The following PER1 variants were observed in gnomAD, a reference collection of about 807,000 sequenced individuals.
The protein encoded by PER1 is period circadian protein homolog 1.
A neutral mutation model predicts 125.9 loss-of-function variants in PER1; 87 were observed. The ratio of observed to expected loss-of-function variants is 0.69; its 90% CI spans 0.58 to 0.83. The LOEUF (loss-of-function observed/expected upper bound fraction) is 0.83. Among genes scored for constraint, PER1 ranks in the 40% least tolerant of loss-of-function variants. The pLI is 0.00. For synonymous variants in PER1, 801 were observed against 714.7 expected, an observed-to-expected ratio of 1.12 and a Z score of -1.93; for missense variants, 1,775 against 1,722.8, an observed-to-expected ratio of 1.03 and a Z score of -0.54.
At chr17:8,146,166 T>C (rs1446805080) in intron 16 of PER1, 29 bp from the exon 17 acceptor site, 1 of 1,563,824 alleles carries the variant, frequency 6.4e-7, no homozygotes, top group Non-Finnish European at 8.7e-7. Flanking sequence ...CCAGTTACCA[T>C]CCCCACCCCC....
rs529303485 is a variant in PER1, at chr17:8,142,382, C to G, written c.3336G>C (p.Arg1112=). The G allele has an allele frequency of 2.0e-5, 33 of 1,613,102 alleles. No individual in the cohort carries two copies. The highest frequency in any genetic ancestry group is 2.5e-5 in the Non-Finnish European group (30 of 1,179,740). The stretch of plus-strand genomic sequence containing the variant: ...CCTGGTCCCCAGGCTCAGCCCCGCC[C>G]CGAGCAGCCCCAGCCTCAGCCTCGG... ...DSSEAEAGAA[R]GGAEPGDQVI... The change falls in exon 21 of 23, where the codon CGG becomes CGC. Residue 1112 remains arginine, a synonymous_variant. Coordinates refer to ENST00000317276, the MANE Select transcript of PER1 (RefSeq NM_002616.3).
In PER1 at chr17:8,147,516, G is replaced by C. The variant is rs201809256; in HGVS notation, c.1451C>G (p.Thr484Ser). The C allele has an allele frequency of 6.2e-6, 10 of 1,613,872 alleles. No individual in the cohort carries two copies. The East Asian group carries it at 2.2e-4, about 36-fold the overall frequency. Residue 484 changes from threonine to serine, a missense_variant, in exon 12 of 23, where the codon ACT (threonine) becomes AGT (serine). Physicochemically the swap from Thr to Ser is moderately conservative, Grantham distance 58. Coordinates refer to ENST00000317276, the MANE Select transcript of PER1 (RefSeq NM_002616.3). ...CTGCTCTGACAGCTCCTGGATATCA[G>C]TGTCCAGGGAGGGAGCTGGGCTGGG... is the stretch of plus-strand genomic sequence containing the variant. ...PAPSPAPSLD[T>S]DIQELSEQIH...
rs55690932 is a variant in PER1 at position 8,145,012 on chromosome 17, G to A, written c.2219-19C>T. On this transcript the variant is annotated intron_variant, in intron 17 of 22. Coordinates refer to ENST00000317276, the MANE Select transcript of PER1 (RefSeq NM_002616.3). ...ATGATGTCTGAGGAGAGTGAGATAG[G>A]GAAAGGTCATCAGAACCACTTCAGG... 51 of 1,450,368 alleles carry A rather than the reference G, an allele frequency of 3.5e-5. No individual in the cohort carries two copies. The highest frequency in any genetic ancestry group is 3.8e-5 in the Non-Finnish European group (42 of 1,098,780). 89.8% of individuals were successfully genotyped at this position (1,450,368 alleles called of 1,614,324 possible).
In PER1 at chr17:8,140,886, C is replaced by T; in HGVS notation, c.*182G>A. On this transcript the variant is annotated 3_prime_UTR_variant, in exon 23 of 23. Coordinates refer to ENST00000317276, the MANE Select transcript of PER1 (RefSeq NM_002616.3). ...CTGGGCTGCGGAGTTCTGCTCTCTG[C>T]TCCCTAAGAGGCCAGAGGCAGCCCC... 1.5e-6 allele frequency: 1 copy of T among 647,958 alleles called. No individual in the cohort carries two copies. Among genetic ancestry groups the T allele is most frequent in the Non-Finnish European group, 2.6e-6 (1 of 378,364 alleles). The allele number at this position is 647,958 out of a possible 1,614,324, so 40.1% of individuals were successfully genotyped here.
In PER1 at chr17:8,150,572, G is replaced by T. The variant is rs3027176; in HGVS notation, c.135C>A (p.Thr45=). 6.8e-6 allele frequency: 11 copies of T among 1,614,068 alleles called. No homozygotes were observed. The East Asian group carries it at 2.5e-4, about 36-fold the overall frequency. ...PCPGPSLADD[T]DANSNGSSGN... is the part of the protein sequence containing the mutation. ...CACTTGAACCATTGCTGTTGGCATC[G>T]GTGTCATCGGCCAGGCTGGGGCCTG... is the stretch of plus-strand genomic sequence containing the variant. Residue 45 remains threonine, a synonymous_variant, in exon 2 of 23, where the codon ACC becomes ACA. Transcript: ENST00000317276.
rs115419450 is a variant in PER1, at chr17:8,141,233, G to A, written c.3708C>T (p.Gly1236=). The part of the protein sequence containing the change: ...LGLEPMEEGG[G]EQGSSGGGSG... ...TGCCGCCACCGCTGCTGCCCTGCTC[G>A]CCTCCACCCTCTTCCATGGGCTCCA... The change falls in exon 23 of 23, where the codon GGC becomes GGT. Residue 1236 remains glycine, a synonymous_variant. Coordinates refer to ENST00000317276, the MANE Select transcript of PER1 (RefSeq NM_002616.3). 25 of 1,614,114 alleles carry A rather than the reference G, an allele frequency of 1.5e-5. No homozygotes were observed. The highest frequency in any genetic ancestry group is 3.3e-4 in the Middle Eastern group (2 of 6,060).
chr17:8,149,207 C>CA, intron 7 of PER1, 52 bp downstream of exon 7: 1 of 1,535,858 alleles, frequency 6.5e-7, no homozygotes, highest in Non-Finnish European at 8.9e-7. Context: ...AAAACAAAAA[C>CA]AAAAACAAAA....
chr17:8,151,449 G>A (rs1032288375), intron 1 of PER1, among the ~76,000 whole-genome samples: 1 of 152,108 alleles, frequency 6.6e-6, no homozygotes, highest in Non-Finnish European at 1.5e-5. Context: ...GCGGCCGGGG[G>A]GGTCACGCAT....
In PER1 at chr17:8,146,899, G is replaced by A. The variant is rs1982484672; in HGVS notation, c.1733C>T (p.Pro578Leu). 4 of 1,613,700 alleles carry A rather than the reference G, an allele frequency of 2.5e-6. No homozygotes were observed. The highest frequency in any genetic ancestry group is 3.4e-6 in the Non-Finnish European group (4 of 1,179,748). Residue 578 changes from proline to leucine, a missense_variant and splice_region_variant, in exon 14 of 23, where the codon CCT becomes CTT. Transcript: ENST00000317276. Reference protein sequence around the residue: ...RARPQSRPRLPATGTFKAKAL... With the variant: ...RARPQSRPRLLATGTFKAKAL... ...CCCACACATCATCATCAACTCACCA[G>A]GGAGGCGGGGCCGGGACTGAGGCCG...
At chr17:8,148,459 C>T (rs991892475) in intron 8 of PER1, among the ~76,000 whole-genome samples, 185 bp downstream of exon 8, 1 of 152,144 alleles carries the variant, frequency 6.6e-6, no homozygotes, top group Non-Finnish European at 1.5e-5. Context: ...TCTTCTCTGC[C>T]CTCCTCTAGC....
At position 8,147,324 on chromosome 17, in the gene PER1, C is replaced by T; in HGVS notation, c.1555G>A (p.Gly519Ser). Reference protein sequence around the residue: ...LCGVGAVTSPGPLHSPGSSSD... With the variant: ...LCGVGAVTSPSPLHSPGSSSD... ...GAGGACCCAGGGCTGTGGAGAGGGC[C>T]TGGGGATGTCACGGCGCCGACTCCA... is the stretch of plus-strand genomic sequence containing the variant. Residue 519 changes from glycine (G) to serine (S), a missense_variant, in exon 13 of 23, where the codon GGC becomes AGC. Coordinates refer to ENST00000317276, the MANE Select transcript of PER1 (RefSeq NM_002616.3). 2.5e-6 allele frequency: 4 copies of T among 1,613,632 alleles called. No homozygotes were observed. Among genetic ancestry groups the T allele is most frequent in the Non-Finnish European group, 3.4e-6 (4 of 1,179,890 alleles).
intron 18 of PER1, 149 bp from the exon 19 acceptor site, chr17:8,144,025 G>A (rs1598248306): frequency 1.6e-6 from 2 of 1,227,484 alleles, no homozygotes; most frequent in East Asian, 5.7e-5. Flanking sequence ...GACTCAGGAG[G>A]TGGGGCACCT....
At position 8,141,478 on chromosome 17, in the gene PER1, G is replaced by C. The variant is rs112234129; in HGVS notation, c.3601-138C>G. 1.1e-5 allele frequency: 11 copies of C among 1,006,664 alleles called. No individual in the cohort carries two copies. The African/African-American group carries it at 1.8e-4, about 16-fold the overall frequency. 62.4% of individuals were successfully genotyped at this position (1,006,664 alleles called of 1,614,324 possible). A position where few individuals can be genotyped will look rare whatever the true frequency, so the allele number is the denominator to read the frequency against. On this transcript the variant is annotated intron_variant, in intron 22 of 22. Coordinates refer to ENST00000317276, the MANE Select transcript of PER1 (RefSeq NM_002616.3). ...CACCAGTCCACACAGATGCACCTGCGGTCCAACAAGGTTGGACAGTGCCTT... is the reference window on the plus strand; with the variant it reads ...CACCAGTCCACACAGATGCACCTGCCGTCCAACAAGGTTGGACAGTGCCTT...
At chr17:8,147,411 C>G (rs567313150) in intron 12 of PER1, 30 bp from the exon 13 acceptor site, 1 of 1,613,112 alleles carries the variant, frequency 6.2e-7, no homozygotes, top group African/African-American at 1.3e-5. Context: ...GGTTAGATGG[C>G]TTGACCCGGC....
chr17:8,145,010 A>G lies in PER1; in HGVS notation c.2219-17T>C. The G allele has an allele frequency of 6.9e-7, 1 of 1,453,348 alleles. No individual in the cohort carries two copies. The highest frequency in any genetic ancestry group is 9.1e-7 in the Non-Finnish European group (1 of 1,100,294). 90.0% of individuals were successfully genotyped at this position (1,453,348 alleles called of 1,614,324 possible). ...TGATGATGTCTGAGGAGAGTGAGATAGGGAAAGGTCATCAGAACCACTTCA... is the reference window on the plus strand; with the variant it reads ...TGATGATGTCTGAGGAGAGTGAGATGGGGAAAGGTCATCAGAACCACTTCA... On this transcript the variant is annotated splice_polypyrimidine_tract_variant and intron_variant, in intron 17 of 22. Transcript: ENST00000317276.
chr17:8,146,143 C>T lies in PER1; in HGVS notation c.2039-6G>A, dbSNP rs2151860479. On this transcript the variant is annotated splice_region_variant and splice_polypyrimidine_tract_variant and intron_variant, in intron 16 of 22. Transcript: ENST00000317276. ...CAGCGCTGCTGACGGCGGATCTGTG[C>T]AGAGAGATGGTGCCAGTTACCATCC... The T allele has an allele frequency of 6.3e-7, 1 of 1,583,898 alleles. No individual in the cohort carries two copies. The highest frequency in any genetic ancestry group is 2.2e-5 in the East Asian group (1 of 44,644).
At position 8,146,830 on chromosome 17, in the gene PER1, G is replaced by A. The variant is rs1173978054; in HGVS notation, c.1736-65C>T. 3.1e-6 allele frequency: 5 copies of A among 1,606,064 alleles called. No individual in the cohort carries two copies. In the East Asian group the frequency reaches 1.1e-4, roughly 36 times the overall value. Reference sequence around the variant, plus strand: ...CTCACATGGAAAAAAACAGCAAATGGGTTGGGGGTGAAGGTCAGGGGACCC... The same window carrying A: ...CTCACATGGAAAAAAACAGCAAATGAGTTGGGGGTGAAGGTCAGGGGACCC... On this transcript the variant is annotated intron_variant, in intron 14 of 22. Coordinates refer to ENST00000317276, the MANE Select transcript of PER1 (RefSeq NM_002616.3).
intron 18 of PER1, chr17:8,144,505 G>A (rs1982296453): frequency 1.3e-5 from 7 of 520,784 alleles, no homozygotes; most frequent in Non-Finnish European, 2.0e-5. Context: ...TCGCTTACCT[G>A]GAGACAGCAC....
At chr17:8,146,821 C>A (rs1444870347) in intron 14 of PER1, 56 bp from the exon 15 acceptor site, 5 of 1,605,554 alleles carry the variant, frequency 3.1e-6, no homozygotes, top group Non-Finnish European at 4.3e-6. Context: ...TGGAAAAAAA[C>A]AGCAAATGGG....
Sources: allele counts gnomAD v4.1 joint callset (sites outside exome capture counted in the v4.1 genomes callset), GRCh38; gene constraint gnomAD v4.1.1; transcripts MANE v1.5; gene names NCBI Gene and HGNC (gene_info 2026-07-23, HGNC 2026-07-21).